SYBU: variants seen among roughly 807,000 people sequenced by gnomAD.
SYBU encodes GOLSYN A protein.
A neutral mutation model predicts 35.9 loss-of-function variants in SYBU; 21 were observed. That is an observed-to-expected ratio of 0.58 (90% CI 0.41 to 0.84). The LOEUF is 0.84. Ranked by LOEUF, SYBU falls within the 40% of genes least tolerant of loss-of-function variation. The pLI, the probability that SYBU is intolerant of heterozygous loss-of-function variation, is 0.00. For synonymous variants in SYBU, 319 were observed against 324.3 expected, an observed-to-expected ratio of 0.98 and a Z score of 0.18; for missense variants, 768 against 848.2, an observed-to-expected ratio of 0.91 and a Z score of 1.17.
chr8:109,670,831 A>G (rs1816952424), intron 1 of SYBU, among the ~76,000 whole-genome samples: 1 of 152,106 alleles, frequency 6.6e-6, no homozygotes, highest in Non-Finnish European at 1.5e-5. Context: ...CTAGGAGTAT[A>G]ATTTAATTGT....
At position 109,575,460 on chromosome 8, in the gene SYBU, C is replaced by T. The variant is rs369787649; in HGVS notation, c.1438G>A (p.Gly480Ser). ...ACGGCTCGCTCCACCACCACACTGC[C>T]CTCCTCCTGACCCATGACTATGGGC... ...LLPIVMGQEEGSVVVERAVQT... is the reference protein window; with the variant it reads ...LLPIVMGQEESSVVVERAVQT... The change falls in exon 7 of 7, where the codon GGC (glycine) becomes AGC (serine). Residue 480 changes from glycine to serine, a missense_variant. Physicochemically the swap from Gly to Ser is moderately conservative, Grantham distance 56. Coordinates refer to ENST00000276646, the MANE Select transcript of SYBU (RefSeq NM_001099754.2). 3 of 1,614,116 alleles carry T rather than the reference C, an allele frequency of 1.9e-6. No homozygotes were observed. The highest frequency in any genetic ancestry group is 2.5e-6 in the Non-Finnish European group (3 of 1,180,028).
chr8:109,679,468 T>A (rs1446929171), intron 1 of SYBU, among the ~76,000 whole-genome samples: 1 of 152,202 alleles, frequency 6.6e-6, no homozygotes, highest in Non-Finnish European at 1.5e-5. Context: ...TCCCTTGGGG[T>A]CTGGATCGGG....
rs1184235633 is a variant in SYBU at position 109,575,040 on chromosome 8, G to C, written c.1858C>G (p.Pro620Ala). The stretch of plus-strand genomic sequence containing the variant: ...GTACTGAATGCCCACAGAACCGTGG[G>C]GACCACGGGGGCAGCCACAGCCAGG... ...DLLAVAAPVV[P>A]TVLWAFSTQR... is the part of the protein sequence containing the mutation. Residue 620 changes from proline (P) to alanine (A), a missense_variant, in exon 7 of 7, where the codon CCC (proline) becomes GCC (alanine). Transcript: ENST00000276646. 1 of 1,607,328 alleles carries C rather than the reference G, an allele frequency of 6.2e-7. No individual in the cohort carries two copies. The highest frequency in any genetic ancestry group is 1.1e-5 in the South Asian group (1 of 90,198).
intron 3 of SYBU, among the ~76,000 whole-genome samples, chr8:109,616,764 T>C (rs2130330696): frequency 6.6e-6 from 1 of 152,002 alleles, no homozygotes; most frequent in African/African-American, 2.4e-5. Context: ...CTGAATCCCA[T>C]AGCCTACCTT....
chr8:109,624,811 A>ACTGC (rs10673792), intron 2 of SYBU, among the ~76,000 whole-genome samples: 52,789 of 151,958 alleles, frequency 0.35, 11,278 homozygotes, highest in African/African-American at 0.6. Context: ...AATTTGGTCC[A>ACTGC]CTGTTTTTTG....
intron 1 of SYBU, among the ~76,000 whole-genome samples, chr8:109,688,575 CA>C (rs1374155033): frequency 3.3e-5 from 5 of 152,100 alleles, no homozygotes; most frequent in African/African-American, 1.2e-4. Flanking sequence ...TCAGATATTT[CA>C]AATAACTTAA....
At chr8:109,656,812 A>G (rs1586963182) in intron 1 of SYBU, among the ~76,000 whole-genome samples, 1 of 152,206 alleles carries the variant, frequency 6.6e-6, no homozygotes, top group African/African-American at 2.4e-5. Context: ...TTGAACTGCT[A>G]TATGGCCATG....
intron 2 of SYBU, among the ~76,000 whole-genome samples, chr8:109,633,121 G>GA (rs1260221345): frequency 2.0e-5 from 3 of 152,198 alleles, no homozygotes; most frequent in Non-Finnish European, 4.4e-5. Context: ...TTTTATAACA[G>GA]ATAAGTTTTT....
intron 4 of SYBU, 105 bp downstream of exon 4, chr8:109,585,955 A>T: frequency 1.3e-6 from 1 of 756,578 alleles, no homozygotes; most frequent in East Asian, 2.7e-5. Context: ...TCACTGAATA[A>T]TAAAATATGA....
At chr8:109,618,794 C>T (rs780550152) in intron 3 of SYBU, 48 bp downstream of exon 3, 2 of 1,541,596 alleles carry the variant, frequency 1.3e-6, no homozygotes, top group East Asian at 4.5e-5. Flanking sequence ...CATGAAACTA[C>T]TCCCATCACA....
At chr8:109,645,633 G>GTTTTGTTTTT, upstream of SYBU, 1 of 228,144 alleles carries the variant, frequency 4.4e-6, no homozygotes, top group Admixed American at 5.2e-5. Flanking sequence ...TTCGTTTTTT[G>GTTTTGTTTTT]TTTTTTTTTT....
chr8:109,642,718 G>A lies in SYBU; in HGVS notation c.229+10C>T. 6.4e-7 allele frequency: 1 copy of A among 1,568,578 alleles called. No homozygotes were observed. Among genetic ancestry groups the A allele is most frequent in the Non-Finnish European group, 8.6e-7 (1 of 1,156,998 alleles). On this transcript the variant is annotated intron_variant, in intron 2 of 6. Coordinates refer to ENST00000276646, the MANE Select transcript of SYBU (RefSeq NM_001099754.2). ...TTCACGCCTCTGGTGGCCTCCCGAG[G>A]GTACTGTACCTGAGCAGAAGCTGTT... is the stretch of plus-strand genomic sequence containing the variant.
chr8:109,606,601 A>C (rs1331089639), intron 3 of SYBU, among the ~76,000 whole-genome samples: 1 of 152,178 alleles, frequency 6.6e-6, no homozygotes, highest in Non-Finnish European at 1.5e-5. Context: ...CCAGGGCTCC[A>C]AAATCATGAT....
intron 3 of SYBU, among the ~76,000 whole-genome samples, chr8:109,606,178 A>G (rs1309418381): frequency 6.6e-6 from 1 of 152,218 alleles, no homozygotes; most frequent in Non-Finnish European, 1.5e-5. Context: ...GTAGATTCTT[A>G]GTAAGTACTT....
upstream of SYBU, chr8:109,645,626 G>GTTTT (rs201121007): frequency 9.3e-4 from 229 of 244,922 alleles, 7 homozygotes; most frequent in African/African-American, 3.7e-3. Flanking sequence ...TTGTTGTTTC[G>GTTTT]TTTTTTGTTT....
At chr8:109,658,013 A>G (rs1241925630) in intron 1 of SYBU, among the ~76,000 whole-genome samples, 1 of 152,192 alleles carries the variant, frequency 6.6e-6, no homozygotes, top group East Asian at 1.9e-4. Flanking sequence ...TCCTACTGAA[A>G]GACACTATCT....
intron 1 of SYBU, among the ~76,000 whole-genome samples, chr8:109,689,878 G>T (rs899305329): frequency 6.8e-6 from 1 of 147,202 alleles, no homozygotes; most frequent in Non-Finnish European, 1.5e-5. Flanking sequence ...GAGACAGCTG[G>T]TTCTAAGTGT....
intron 1 of SYBU, among the ~76,000 whole-genome samples, chr8:109,660,807 T>C (rs960768309): frequency 2.6e-5 from 4 of 152,320 alleles, no homozygotes; most frequent in Admixed American, 6.5e-5. Context: ...TTTTTACTTA[T>C]GACAAATAAA....
chr8:109,650,897 C>T (rs1816105799), intron 1 of SYBU, among the ~76,000 whole-genome samples: 1 of 152,184 alleles, frequency 6.6e-6, no homozygotes, highest in African/African-American at 2.4e-5. Context: ...ATTGCCTTAA[C>T]ATCAATTATC....
Sources: allele counts gnomAD v4.1 joint callset (sites outside exome capture counted in the v4.1 genomes callset), GRCh38; gene constraint gnomAD v4.1.1; transcripts MANE v1.5; gene names NCBI Gene and HGNC (gene_info 2026-07-23, HGNC 2026-07-21).